Variants in ARMC9 observed in about 807,000 individuals in gnomAD.
ARMC9 encodes lisH domain-containing protein ARMC9.
A neutral mutation model predicts 107.0 loss-of-function variants in ARMC9; 94 were observed. The ratio of observed to expected loss-of-function variants is 0.88; its 90% CI spans 0.74 to 1.04. The LOEUF (loss-of-function observed/expected upper bound fraction) is 1.04. Ranked by LOEUF, ARMC9 falls within the 50% of genes least tolerant of loss-of-function variation. The probability of loss-of-function intolerance (pLI) is 0.00; values close to 1 mark genes in which losing one functional copy is unlikely to be tolerated. For missense variants in ARMC9, 942 were observed against 1,030.1 expected (o/e 0.91, Z 1.17); for synonymous variants, 380 against 396.9 (o/e 0.96, Z 0.51).
In ARMC9 at chr2:231,282,215, G is replaced by A. The variant is rs1003468736; in HGVS notation, c.1626+82G>A. ...TTTTAGAGCAAGACCTCCTTGATTG[G>A]GCTCCATAGAAAGGCTCAGATCCGT... On this transcript the variant is annotated intron_variant, in intron 17 of 24. Coordinates refer to ENST00000611582, the MANE Select transcript of ARMC9 (RefSeq NM_001352754.2). 7.1e-6 allele frequency: 10 copies of A among 1,414,718 alleles called. No individual in the cohort carries two copies. The African/African-American group carries it at 1.4e-4, about 20-fold the overall frequency. 87.6% of individuals were successfully genotyped at this position (1,414,718 alleles called of 1,614,324 possible). A position where few individuals can be genotyped will look rare whatever the true frequency, so the allele number is the denominator to read the frequency against.
chr2:231,344,213 A>G (rs2044683329), intron 20 of ARMC9, among the ~76,000 whole-genome samples: 1 of 152,218 alleles, frequency 6.6e-6, no homozygotes, highest in Admixed American at 6.5e-5. Flanking sequence ...ATAAAATGCC[A>G]AATTGTTTTC....
intron 9 of ARMC9, among the ~76,000 whole-genome samples, chr2:231,242,403 C>T (rs1013310631): frequency 1.3e-5 from 2 of 152,106 alleles, no homozygotes; most frequent in African/African-American, 4.8e-5. Context: ...GGGACATGGC[C>T]ACAGTGATTT....
chr2:231,225,245 A>G (rs2034530818), intron 6 of ARMC9, among the ~76,000 whole-genome samples: 2 of 152,194 alleles, frequency 1.3e-5, no homozygotes, highest in Non-Finnish European at 2.9e-5. Context: ...TTCCCATATC[A>G]TTAAATAGCC....
intron 12 of ARMC9, chr2:231,270,458 G>A: frequency 2.7e-6 from 1 of 363,872 alleles, no homozygotes; most frequent in Non-Finnish European, 5.5e-6. Context: ...AATGGAAATT[G>A]GGTAATTCCA....
Position 231,278,558 on chromosome 2 carries a change from G to A in ARMC9, c.1551+100G>A, listed in dbSNP as rs2039958554. 13 of 1,049,594 alleles carry A rather than the reference G, an allele frequency of 1.2e-5. No homozygotes were observed. The South Asian group carries it at 1.8e-4, about 14-fold the overall frequency. The allele number at this position is 1,049,594 out of a possible 1,614,324, so 65.0% of individuals were successfully genotyped here. ...ACACAGCTGGCCCAGGATGGTTGCT[G>A]TATTTGAAAACTGTACATGTTCTCT... On this transcript the variant is annotated intron_variant, in intron 16 of 24. Coordinates refer to ENST00000611582, the MANE Select transcript of ARMC9 (RefSeq NM_001352754.2).
chr2:231,221,463 T>C (rs995318017), intron 5 of ARMC9, among the ~76,000 whole-genome samples: 4 of 152,132 alleles, frequency 2.6e-5, no homozygotes, highest in Non-Finnish European at 5.9e-5. Flanking sequence ...CACAGTTCAA[T>C]CCATAATAAC....
intron 16 of ARMC9, among the ~76,000 whole-genome samples, chr2:231,279,504 CTTTTTTCTT>C (rs1220908135): frequency 7.2e-6 from 1 of 139,572 alleles, no homozygotes; most frequent in Non-Finnish European, 1.5e-5. Flanking sequence ...TCTTTTTTTT[CTTTTTTCTT>C]TTTTTTTTTT....
chr2:231,333,929 A>G (rs990688863), intron 20 of ARMC9, among the ~76,000 whole-genome samples: 7 of 152,262 alleles, frequency 4.6e-5, no homozygotes, highest in Admixed American at 3.3e-4. Context: ...CATCTTCAGT[A>G]ACAACAAAAA....
chr2:231,342,032 C>T (rs2044547375), intron 20 of ARMC9, among the ~76,000 whole-genome samples: 1 of 152,208 alleles, frequency 6.6e-6, no homozygotes, highest in Non-Finnish European at 1.5e-5. Context: ...AGCTCTGTCT[C>T]AGCAGGTTGT....
At chr2:231,226,666 TTC>T in intron 6 of ARMC9, 106 bp from the exon 7 acceptor site, 1 of 1,341,622 alleles carries the variant, frequency 7.5e-7, no homozygotes, top group Non-Finnish European at 1.1e-6. Context: ...GCTCCGAGAA[TTC>T]TGTTTCATCA....
At chr2:231,305,688 C>T (rs922010740) in intron 19 of ARMC9, among the ~76,000 whole-genome samples, 15 of 152,098 alleles carry the variant, frequency 9.9e-5, no homozygotes, top group African/African-American at 3.6e-4. Flanking sequence ...ACTTACCTAC[C>T]CTGCAAGGTT....
intron 5 of ARMC9, 72 bp downstream of exon 5, chr2:231,216,865 G>A: frequency 6.7e-7 from 1 of 1,486,048 alleles, no homozygotes; most frequent in Non-Finnish European, 9.1e-7. Context: ...TATGCTGGGG[G>A]CTTCTGAATG....
chr2:231,291,443 G>T lies in ARMC9; in HGVS notation c.1717G>T (p.Glu573Ter). The T allele has an allele frequency of 6.2e-7, 1 of 1,611,896 alleles. No homozygotes were observed. Among genetic ancestry groups the T allele is most frequent in the South Asian group, 1.1e-5 (1 of 91,020 alleles). Reference protein sequence around the residue: ...IEFIIKQLNSEELPDGVLESD... With the variant: ...IEFIIKQLNS ...ATTCATCATCAAGCAGCTAAATTCC[G>T]GTCAGTTTGATGCAAGAATCTTTGA... The change falls in exon 18 of 25, where the codon GAA (glutamate) becomes TAA (stop). Residue 573 changes from glutamate to a stop codon, truncating the protein, a stop_gained and splice_region_variant. Transcript: ENST00000611582. LOFTEE classifies it high-confidence loss of function.
intron 20 of ARMC9, among the ~76,000 whole-genome samples, chr2:231,334,210 G>A (rs1041036629): frequency 2.0e-5 from 3 of 152,214 alleles, no homozygotes; most frequent in Non-Finnish European, 4.4e-5. Flanking sequence ...GGTATTTCCC[G>A]TGGCTGCAGT....
intron 20 of ARMC9, among the ~76,000 whole-genome samples, chr2:231,339,160 T>C (rs1198363698): frequency 6.6e-6 from 1 of 152,100 alleles, no homozygotes; most frequent in East Asian, 1.9e-4. Context: ...AAACTCCGTC[T>C]CTACTAAAAA....
In ARMC9 at chr2:231,251,316, G is replaced by A. The variant is rs373316525; in HGVS notation, c.880-5270G>A. On this transcript the variant is annotated intron_variant, in intron 9 of 24. Coordinates refer to ENST00000611582, the MANE Select transcript of ARMC9 (RefSeq NM_001352754.2). ...CAAGTAGCTGGGACTACAGGTGCCC[G>A]CCACCACACCTGGCTAATTTTTGTA... is the stretch of plus-strand genomic sequence containing the variant. Among the ~76,000 whole-genome samples, 629 of 151,806 alleles carry A rather than the reference G, an allele frequency of 4.1e-3. 9 individuals are homozygous for A. The highest frequency in any genetic ancestry group is 0.014 in the African/African-American group (560 of 41,376).
intron 16 of ARMC9, among the ~76,000 whole-genome samples, chr2:231,279,490 CTTTTCTTTTTTTTCTT>C (rs1162877662): frequency 6.7e-6 from 1 of 148,976 alleles, no homozygotes; most frequent in Non-Finnish European, 1.5e-5. Context: ...TTCTTTCTTT[CTTTTCTTTTTTTTCTT>C]TTTTCTTTTT....
At chr2:231,324,454 TAAA>T (rs148497346) in intron 19 of ARMC9, among the ~76,000 whole-genome samples, 2 of 129,422 alleles carry the variant, frequency 1.5e-5, no homozygotes, top group Non-Finnish European at 1.7e-5. Context: ...TTGTTTTAAT[TAAA>T]AAAAAAAAAA....
At chr2:231,275,126 A>T (rs1259590414) in intron 14 of ARMC9, among the ~76,000 whole-genome samples, 1 of 152,218 alleles carries the variant, frequency 6.6e-6, no homozygotes, top group African/African-American at 2.4e-5. Flanking sequence ...AAATGTGCTT[A>T]ACCTTTTTGC....
Sources: gnomAD v4.1 joint callset for allele counts (sites outside exome capture counted in the v4.1 genomes callset) on GRCh38, gnomAD v4.1.1 for gene constraint, MANE v1.5 for transcripts, NCBI Gene and HGNC (gene_info 2026-07-23, HGNC 2026-07-21) for gene names.